Variants in HIP1 observed in about 807,000 individuals in gnomAD.
HIP1 encodes huntingtin interacting protein 1.
A neutral mutation model predicts 147.6 loss-of-function variants in HIP1; 65 were observed. The ratio of observed to expected loss-of-function variants is 0.44; its 90% CI spans 0.36 to 0.54. The LOEUF (loss-of-function observed/expected upper bound fraction) is 0.54. Among genes scored for constraint, HIP1 ranks in the 20% least tolerant of loss-of-function variants. The pLI is 0.00. For missense variants in HIP1, 1,061 were observed against 1,299.6 expected (o/e 0.82, Z 2.82); for synonymous variants, 479 against 504.0 (o/e 0.95, Z 0.67).
intron 1 of HIP1, among the ~76,000 whole-genome samples, chr7:75,656,758 T>C (rs981271234): frequency 6.6e-5 from 10 of 152,198 alleles, no homozygotes; most frequent in African/African-American, 2.4e-4. Flanking sequence ...ATTACAGGCG[T>C]GAGCCACTGC....
At chr7:75,681,753 C>T (rs1800080620) in intron 1 of HIP1, among the ~76,000 whole-genome samples, 1 of 151,650 alleles carries the variant, frequency 6.6e-6, no homozygotes. Context: ...GCGATTCTCC[C>T]ACCTCCCAAA....
Position 75,544,762 on chromosome 7 carries a change from A to C in HIP1, c.2699T>G (p.Phe900Cys). 6.2e-7 allele frequency: 1 copy of C among 1,613,796 alleles called. No individual in the cohort carries two copies. Among genetic ancestry groups the C allele is most frequent in the Non-Finnish European group, 8.5e-7 (1 of 1,179,690 alleles). The part of the protein sequence containing the change: ...ADLVVQGRGK[F>C]EELMVCSHEI... Reference sequence around the variant, plus strand: ...ATGAGAACACACCATTAGCTCCTCAAATTTCCCTCTGCCTTGTACCACCAG... The same window carrying C: ...ATGAGAACACACCATTAGCTCCTCACATTTCCCTCTGCCTTGTACCACCAG... Residue 900 changes from phenylalanine to cysteine, a missense_variant, in exon 27 of 31, where the codon TTT (phenylalanine) becomes TGT (cysteine). Phe to Cys is a radical substitution (Grantham distance 205, BLOSUM62 -2). This residue lies in a region of HIP1 where 810 missense variants were observed against 946.8 expected (regional missense o/e 0.86). Transcript: ENST00000336926.
chr7:75,729,531 T>C (rs571097660), intron 1 of HIP1, among the ~76,000 whole-genome samples: 3 of 151,560 alleles, frequency 2.0e-5, no homozygotes, highest in Non-Finnish European at 4.4e-5. Flanking sequence ...CACGCCTGTA[T>C]TCCCAGTACT....
At chr7:75,639,816 G>A (rs1798588220) in intron 1 of HIP1, among the ~76,000 whole-genome samples, 1 of 152,056 alleles carries the variant, frequency 6.6e-6, no homozygotes, top group African/African-American at 2.4e-5. Flanking sequence ...TGCCTCCTGC[G>A]GCTAATCTGG....
intron 1 of HIP1, among the ~76,000 whole-genome samples, chr7:75,612,193 G>A (rs587761284): frequency 6.6e-6 from 1 of 152,284 alleles, no homozygotes; most frequent in South Asian, 2.1e-4. Context: ...AGGCAGCACA[G>A]ATGGGAAAGG....
chr7:75,720,914 T>C (rs1475127152), intron 1 of HIP1, among the ~76,000 whole-genome samples: 2 of 151,862 alleles, frequency 1.3e-5, no homozygotes, highest in African/African-American at 2.4e-5. Flanking sequence ...GGAACATGCC[T>C]GTAATCCCAG....
At chr7:75,711,031 G>T (rs1352184027) in intron 1 of HIP1, among the ~76,000 whole-genome samples, 1 of 152,034 alleles carries the variant, frequency 6.6e-6, no homozygotes, top group Non-Finnish European at 1.5e-5. Flanking sequence ...TCTGTCTTTT[G>T]TCTACCTATG....
At chr7:75,569,909 A>T (rs587617820) in intron 8 of HIP1, among the ~76,000 whole-genome samples, 16 of 152,212 alleles carry the variant, frequency 1.1e-4, no homozygotes, top group African/African-American at 3.9e-4. Flanking sequence ...ACATTCGGTA[A>T]AAACTGTGAC....
chr7:75,690,181 G>C (rs57781659), intron 1 of HIP1, among the ~76,000 whole-genome samples: 2,434 of 152,180 alleles, frequency 0.016, 60 homozygotes, highest in African/African-American at 0.055. Context: ...AGGAGGCTGG[G>C]GTTGGAAGAT....
At chr7:75,590,430 A>G (rs1554500526) in intron 4 of HIP1, among the ~76,000 whole-genome samples, 1 of 152,202 alleles carries the variant, frequency 6.6e-6, no homozygotes, top group Non-Finnish European at 1.5e-5. Context: ...AAAAAACAGA[A>G]TGAGAAAAAA....
chr7:75,707,925 C>G (rs532613799), intron 1 of HIP1, among the ~76,000 whole-genome samples: 22 of 134,416 alleles, frequency 1.6e-4, no homozygotes, highest in African/African-American at 5.8e-4. Flanking sequence ...GGATCCCTTC[C>G]TTACACCTTA....
intron 1 of HIP1, among the ~76,000 whole-genome samples, chr7:75,685,337 G>A (rs1320028753): frequency 1.3e-5 from 2 of 152,110 alleles, no homozygotes; most frequent in African/African-American, 4.8e-5. Context: ...CCAGGGAACA[G>A]GTGCCCCAGC....
At position 75,542,939 on chromosome 7, in the gene HIP1, C is replaced by G; in HGVS notation, c.2802G>C (p.Gln934His). 6.2e-7 allele frequency: 1 copy of G among 1,614,048 alleles called. No homozygotes were observed. Among genetic ancestry groups the G allele is most frequent in the Admixed American group, 1.7e-5 (1 of 60,008 alleles). ...TCACTCCCCGAGAGGCCTGCTGCAG[C>G]TGGGCTAGGTTGGGGCTGTCCTTAT... ...KADKDSPNLA[Q>H]LQQASRGVNQ... is the part of the protein sequence containing the mutation. Residue 934 changes from glutamine (Q) to histidine (H), a missense_variant, in exon 28 of 31, where the codon CAG (glutamine) becomes CAC (histidine). Coordinates refer to ENST00000336926, the MANE Select transcript of HIP1 (RefSeq NM_005338.7).
rs574479457 is a variant in HIP1 at position 75,720,361 on chromosome 7, G to A, written c.120+18440C>T. Among the ~76,000 whole-genome samples the A allele has an allele frequency of 1.5e-3, 229 of 151,996 alleles. 1 individual carries two copies. The highest frequency in any genetic ancestry group is 5.2e-3 in the African/African-American group (217 of 41,484). ...TTTTGAGTAGAGATGGGGTTTCACC[G>A]TGTTGGTAAGGCTGGTCTCAAACTC... is the stretch of plus-strand genomic sequence containing the variant. On this transcript the variant is annotated intron_variant, in intron 1 of 30. Coordinates refer to ENST00000336926, the MANE Select transcript of HIP1 (RefSeq NM_005338.7).
chr7:75,733,107 C>T (rs1376145651), intron 1 of HIP1, among the ~76,000 whole-genome samples: 1 of 152,158 alleles, frequency 6.6e-6, no homozygotes, highest in Non-Finnish European at 1.5e-5. Context: ...TTTATTTGTC[C>T]TGTGATTGAC....
At chr7:75,699,954 G>A (rs536843519) in intron 1 of HIP1, among the ~76,000 whole-genome samples, 5 of 151,986 alleles carry the variant, frequency 3.3e-5, no homozygotes, top group Admixed American at 1.3e-4. Context: ...AGGCTCAAGC[G>A]ATCCTCCTGC....
chr7:75,641,469 T>A (rs1798653030), intron 1 of HIP1, among the ~76,000 whole-genome samples: 2 of 148,102 alleles, frequency 1.4e-5, no homozygotes, highest in Non-Finnish European at 3.0e-5. Flanking sequence ...TCTTTTTCTT[T>A]CTTTTTTATT....
rs1380418521 is a variant in HIP1 at position 75,554,172 on chromosome 7, C to T, written c.2099G>A (p.Ser700Asn). Residue 700 changes from serine to asparagine, a missense_variant, in exon 21 of 31, where the codon AGC becomes AAC. By Grantham distance (46) the Ser-to-Asn change is conservative. Transcript: ENST00000336926. ...GGTGGCACCATGAGCAATGGCGTCG[C>T]TGGTCAAGTGGGCCAGCAGGGTTAT... ...HSITLLAHLT[S>N]DAIAHGATTC... The T allele has an allele frequency of 6.2e-7, 1 of 1,614,106 alleles. No homozygotes were observed. Among genetic ancestry groups the T allele is most frequent in the Non-Finnish European group, 8.5e-7 (1 of 1,180,030 alleles).
intron 1 of HIP1, among the ~76,000 whole-genome samples, chr7:75,650,510 T>C (rs1798938572): frequency 6.8e-6 from 1 of 146,484 alleles, no homozygotes; most frequent in African/African-American, 2.6e-5. Context: ...TGGAGTGCAA[T>C]GGTGCGATCT....
Sources: gnomAD v4.1 joint callset for allele counts (sites outside exome capture counted in the v4.1 genomes callset) on GRCh38, gnomAD v4.1.1 for gene constraint, gnomAD v4.1.1 regional missense constraint, MANE v1.5 for transcripts, NCBI Gene and HGNC (gene_info 2026-07-23, HGNC 2026-07-21) for gene names.